OVCH1: variants seen among roughly 807,000 people sequenced by gnomAD.
The protein encoded by OVCH1 is ovochymase 1.
In OVCH1, 139 loss-of-function variants were observed where a neutral mutation model predicts 138.4. The ratio of observed to expected loss-of-function variants is 1.00; its 90% confidence interval spans 0.87 to 1.16. The LOEUF (loss-of-function observed/expected upper bound fraction) is 1.16, where lower values mean the gene tolerates loss of function less well. Ranked by LOEUF, OVCH1 falls within the 50% of genes most tolerant of loss-of-function variation. The pLI is 0.00. For synonymous variants in OVCH1, 453 were observed against 467.8 expected, an observed-to-expected ratio of 0.97 and a Z score of 0.41; for missense variants, 1,367 against 1,357.9, an observed-to-expected ratio of 1.01 and a Z score of -0.11.
At chr12:29,464,532 C>T in exon 18 of OVCH1, 1 of 1,613,352 alleles carries the variant, frequency 6.2e-7, no homozygotes, top group South Asian at 1.1e-5. Context: ...CCCATCCGGT[C>T]ACAGCACAGA....
At chr12:29,455,448 T>C in intron 19 of OVCH1, 43 bp from the exon 20 acceptor site, 1 of 1,548,000 alleles carries the variant, frequency 6.5e-7, no homozygotes, top group Non-Finnish European at 8.7e-7. Flanking sequence ...TGCTTTAATC[T>C]GAAGCTCCTG....
intron 3 of OVCH1, among the ~76,000 whole-genome samples, chr12:29,419,045 TGGA>T (rs1941068444): frequency 6.6e-6 from 1 of 151,894 alleles, no homozygotes; most frequent in African/African-American, 2.4e-5. Context: ...TTTGTAGAGA[TGGA>T]GGTCTTACTA....
At chr12:29,413,021 ATTCT>A (rs1200063915) in intron 3 of OVCH1, among the ~76,000 whole-genome samples, 3 of 121,966 alleles carry the variant, frequency 2.5e-5, no homozygotes, top group Non-Finnish European at 1.8e-5. Flanking sequence ...CATCCAGCTA[ATTCT>A]TTTTTTTTTT....
At chr12:29,428,484 T>G (rs1941215671) in intron 27 of OVCH1, among the ~76,000 whole-genome samples, 1 of 152,130 alleles carries the variant, frequency 6.6e-6, no homozygotes, top group Admixed American at 6.5e-5. Flanking sequence ...TCTAGGGTCT[T>G]TGGTGAAAGG....
At chr12:29,457,988 T>C (rs576474800) in intron 19 of OVCH1, among the ~76,000 whole-genome samples, 1 of 152,172 alleles carries the variant, frequency 6.6e-6, no homozygotes, top group African/African-American at 2.4e-5. Context: ...GCTTAGGCTC[T>C]AAGGCAAGAT....
intron 16 of OVCH1, among the ~76,000 whole-genome samples, chr12:29,468,779 ATATATT>A (rs1177571091): frequency 6.6e-6 from 1 of 152,108 alleles, no homozygotes; most frequent in Non-Finnish European, 1.5e-5. Context: ...ATACAGATAG[ATATATT>A]TATATACATG....
the OVCH1 span, among the ~76,000 whole-genome samples, chr12:29,404,687 T>G: frequency 6.6e-6 from 1 of 152,254 alleles, no homozygotes; most frequent in African/African-American, 2.4e-5. Flanking sequence ...TTACTAGAAG[T>G]AGGTGCATTA....
intron 7 of OVCH1, 94 bp downstream of exon 7, chr12:29,487,599 G>T (rs1238963991): frequency 1.6e-6 from 2 of 1,227,474 alleles, no homozygotes; most frequent in South Asian, 1.6e-5. Context: ...CCTCATTCTT[G>T]CTTTGTTCTA....
intron 14 of OVCH1, 106 bp from the exon 15 acceptor site, chr12:29,473,209 C>A: frequency 1.4e-6 from 1 of 721,174 alleles, no homozygotes; most frequent in Non-Finnish European, 2.4e-6. Flanking sequence ...GTAGATCTCA[C>A]TAACACTACC....
At chr12:29,443,294 G>GAAACAATCT in intron 25 of OVCH1, 67 bp downstream of exon 25, 1 of 1,505,056 alleles carries the variant, frequency 6.6e-7, no homozygotes, top group Non-Finnish European at 9.0e-7. Flanking sequence ...TACTGAATAT[G>GAAACAATCT]AAACAATCTA....
intron 3 of OVCH1, among the ~76,000 whole-genome samples, chr12:29,412,913 T>G (rs1341098698): frequency 6.6e-6 from 1 of 152,172 alleles, no homozygotes; most frequent in Non-Finnish European, 1.5e-5. Flanking sequence ...AGTAGTGCAG[T>G]AGTAGCTCAC....
At chr12:29,475,094 C>G (rs868133996) in exon 14 of OVCH1, 1 of 1,581,550 alleles carries the variant, frequency 6.3e-7, no homozygotes, top group African/African-American at 1.3e-5. Flanking sequence ...GCCTTGAAGC[C>G]TTGTAAACGA....
intron 22 of OVCH1, among the ~76,000 whole-genome samples, chr12:29,450,063 C>A (rs182532765): frequency 9.9e-5 from 15 of 152,200 alleles, no homozygotes; most frequent in African/African-American, 3.6e-4. Flanking sequence ...CCCTAAAAAC[C>A]CTAGAAGAAA....
chr12:29,450,625 A>G (rs947832412), intron 22 of OVCH1, among the ~76,000 whole-genome samples: 3 of 152,200 alleles, frequency 2.0e-5, no homozygotes, highest in African/African-American at 7.2e-5. Flanking sequence ...TCAAGGATCT[A>G]GAACCAGAAA....
At chr12:29,449,317 ACACT>A (rs1198942507) in intron 22 of OVCH1, among the ~76,000 whole-genome samples, 13 of 147,312 alleles carry the variant, frequency 8.8e-5, no homozygotes, top group Non-Finnish European at 2.0e-4. Flanking sequence ...ACACACACAC[ACACT>A]CAACCTTAAG....
At chr12:29,427,110 A>G (rs990160049), downstream of OVCH1, among the ~76,000 whole-genome samples, 2 of 152,138 alleles carry the variant, frequency 1.3e-5, no homozygotes, top group Non-Finnish European at 2.9e-5. Flanking sequence ...GAGCTGCACA[A>G]TTGGAGAAAG....
chr12:29,439,467 C>CAAACAAA (rs759834776), intron 25 of OVCH1: 1 of 1,343,598 alleles, frequency 7.4e-7, no homozygotes, highest in African/African-American at 1.5e-5. Flanking sequence ...AACAAACAAA[C>CAAACAAA]AAACAAAAAA....
chr12:29,411,981 T>C (rs1940964945), downstream of OVCH1, among the ~76,000 whole-genome samples: 3 of 33,046 alleles, frequency 9.1e-5, no homozygotes, highest in Admixed American at 1.4e-3. Context: ...TCCCCGCTGC[T>C]TTATTTACCT....
At chr12:29,435,547 G>A (rs1941343053) in intron 26 of OVCH1, among the ~76,000 whole-genome samples, 1 of 151,954 alleles carries the variant, frequency 6.6e-6, no homozygotes, top group Admixed American at 6.6e-5. Context: ...GTAGAGACAG[G>A]GTTTCACTGT....
Sources: gnomAD v4.1 joint callset for allele counts (sites outside exome capture counted in the v4.1 genomes callset) on GRCh38, gnomAD v4.1.1 for gene constraint, MANE v1.5 for transcripts, NCBI Gene and HGNC (gene_info 2026-07-23, HGNC 2026-07-21) for gene names.